Variants in SIRPG observed in about 807,000 individuals in gnomAD.
The protein encoded by SIRPG is signal regulatory protein gamma.
In SIRPG, 38 loss-of-function variants were observed where a neutral mutation model predicts 35.7. The ratio of observed to expected loss-of-function variants is 1.06; its 90% confidence interval spans 0.82 to 1.40. The LOEUF (loss-of-function observed/expected upper bound fraction) is 1.40. Among genes scored for constraint, SIRPG ranks in the 40% most tolerant of loss-of-function variants. SIRPG has a pLI of 0.00. For missense variants in SIRPG, 519 were observed against 483.0 expected, an observed-to-expected ratio of 1.07 and a Z score of -0.70; for synonymous variants, 215 against 190.4, an observed-to-expected ratio of 1.13 and a Z score of -1.06.
At chr20:1,678,880 A>G in the SIRPG span, among the ~76,000 whole-genome samples, 2 of 152,252 alleles carry the variant, frequency 1.3e-5, no homozygotes, top group African/African-American at 4.8e-5. Flanking sequence ...TTGTAAGATT[A>G]TCAGCTGAGT....
In SIRPG at chr20:1,629,183, A is replaced by G. The variant is rs1420895773; in HGVS notation, c.*456T>C. The G allele has an allele frequency of 1.3e-5, 2 of 152,138 alleles. No homozygotes were observed. Among genetic ancestry groups the G allele is most frequent in the Non-Finnish European group, 2.9e-5 (2 of 68,026 alleles). The allele number at this position is 152,138 out of a possible 1,614,324, so 9.4% of individuals were successfully genotyped here. A position where few individuals can be genotyped will look rare whatever the true frequency, so the allele number is the denominator to read the frequency against. On this transcript the variant is annotated 3_prime_UTR_variant, in exon 6 of 6. Coordinates refer to ENST00000303415, the MANE Select transcript of SIRPG (RefSeq NM_018556.4). ...ATAATCTTTTTATTTTCTTAAAACC[A>G]CTTTGGGAGTGCATTTGTATTCAAG...
chr20:1,638,488 A>G (rs534407117), intron 2 of SIRPG: 1 of 152,194 alleles, frequency 6.6e-6, no homozygotes, highest in Non-Finnish European at 1.5e-5. Flanking sequence ...AACTCAAATG[A>G]TAATAAAAGC....
intron 2 of SIRPG, among the ~76,000 whole-genome samples, chr20:1,642,251 A>G (rs2091858501): frequency 6.6e-6 from 1 of 152,208 alleles, no homozygotes; most frequent in Non-Finnish European, 1.5e-5. Flanking sequence ...GTCTCTAAGA[A>G]CTTGGTTTAT....
At chr20:1,638,528 C>A (rs535053314) in intron 2 of SIRPG, 41 of 149,464 alleles carry the variant, frequency 2.7e-4, no homozygotes, top group African/African-American at 8.1e-4. Flanking sequence ...AACTGGCTTT[C>A]AAAAAAAAAT....
the SIRPG span, among the ~76,000 whole-genome samples, chr20:1,679,454 AATCC>A: frequency 1.2e-3 from 183 of 152,012 alleles, no homozygotes; most frequent in African/African-American, 4.1e-3. Flanking sequence ...CATACCAGTG[AATCC>A]ATCATGGTTT....
chr20:1,655,718 G>A (rs1409964468), intron 1 of SIRPG, among the ~76,000 whole-genome samples: 4 of 152,046 alleles, frequency 2.6e-5, no homozygotes, highest in Non-Finnish European at 2.9e-5. Flanking sequence ...TAATGCATAT[G>A]TTTATTAGTT....
chr20:1,651,314 C>T (rs576624267), intron 1 of SIRPG: 1 of 152,506 alleles, frequency 6.6e-6, no homozygotes, highest in East Asian at 1.9e-4. Flanking sequence ...CATAATTCCT[C>T]TTCTTGTCCT....
the SIRPG span, among the ~76,000 whole-genome samples, chr20:1,667,941 T>A: frequency 2.6e-5 from 4 of 152,222 alleles, no homozygotes; most frequent in Admixed American, 6.5e-5. Context: ...TCACTCTTGC[T>A]GCATCCTGAG....
upstream of SIRPG, among the ~76,000 whole-genome samples, chr20:1,661,486 T>C (rs2091995717): frequency 6.6e-6 from 1 of 152,122 alleles, no homozygotes; most frequent in Non-Finnish European, 1.5e-5. Context: ...CATGTAGAAA[T>C]ACACTCATGT....
At chr20:1,680,819 C>A in the SIRPG span, among the ~76,000 whole-genome samples, 310 of 144,970 alleles carry the variant, frequency 2.1e-3, 3 homozygotes, top group African/African-American at 7.4e-3. Flanking sequence ...AAGTCATATA[C>A]TCATACTTTC....
chr20:1,672,948 GCAGGCACTCAT>G, the SIRPG span, among the ~76,000 whole-genome samples: 1 of 152,158 alleles, frequency 6.6e-6, no homozygotes, highest in Non-Finnish European at 1.5e-5. Context: ...ATCTAAGCAG[GCAGGCACTCAT>G]CCTGCGTCCT....
At chr20:1,636,644 T>A (rs1712472019) in intron 2 of SIRPG, 139 bp from the exon 3 acceptor site, 2 of 1,049,610 alleles carry the variant, frequency 1.9e-6, no homozygotes, top group Non-Finnish European at 2.8e-6. Flanking sequence ...GTTCTTATTC[T>A]CATTTTACAG....
At chr20:1,686,029 C>A in the SIRPG span, among the ~76,000 whole-genome samples, 1 of 152,136 alleles carries the variant, frequency 6.6e-6, no homozygotes, top group African/African-American at 2.4e-5. Flanking sequence ...TTGACAGGAA[C>A]CAGGTCTGCT....
chr20:1,643,035 T>C (rs1319290735), intron 2 of SIRPG, among the ~76,000 whole-genome samples: 2 of 152,162 alleles, frequency 1.3e-5, no homozygotes, highest in African/African-American at 4.8e-5. Flanking sequence ...GAGAGTCTGA[T>C]TATTATGTGT....
intron 2 of SIRPG, chr20:1,648,072 A>G (rs575937993): frequency 1.3e-5 from 2 of 152,196 alleles, no homozygotes; most frequent in South Asian, 4.2e-4. Context: ...TAAGTCCCCC[A>G]TCTGTAAAGG....
chr20:1,657,975 C>T (rs889803287), upstream of SIRPG, among the ~76,000 whole-genome samples: 11 of 152,158 alleles, frequency 7.2e-5, no homozygotes, highest in Admixed American at 6.5e-4. Flanking sequence ...CTGCCTGGGA[C>T]CTGTGCTCCC....
chr20:1,668,188 T>TTTCTTTTTC, the SIRPG span, among the ~76,000 whole-genome samples: 528 of 63,504 alleles, frequency 8.3e-3, 11 homozygotes, highest in African/African-American at 0.024. Context: ...TCTTTCTTTC[T>TTTCTTTTTC]TTTTCTTTTC....
chr20:1,662,773 G>A (rs184155994), upstream of SIRPG, among the ~76,000 whole-genome samples: 270 of 152,210 alleles, frequency 1.8e-3, 5 homozygotes, highest in Admixed American at 0.013. Flanking sequence ...TGCAAAGTGA[G>A]GACATGCAAA....
At chr20:1,636,998 G>A (rs557470905) in intron 2 of SIRPG, among the ~76,000 whole-genome samples, 31 of 152,294 alleles carry the variant, frequency 2.0e-4, no homozygotes, top group African/African-American at 7.5e-4. Context: ...TGCAAAGTGG[G>A]ACAGCAGCAT....
Sources: gnomAD v4.1 joint callset for allele counts (sites outside exome capture counted in the v4.1 genomes callset) on GRCh38, gnomAD v4.1.1 for gene constraint, MANE v1.5 for transcripts, NCBI Gene and HGNC (gene_info 2026-07-23, HGNC 2026-07-21) for gene names.